The following ADGRG6 variants were observed in gnomAD, a reference collection of about 807,000 sequenced individuals.
ADGRG6 encodes G-protein coupled receptor 126.
Under a neutral mutation model 142.4 loss-of-function variants are expected in ADGRG6, and 84 were observed. The ratio of observed to expected loss-of-function variants is 0.59; its 90% CI spans 0.49 to 0.71. The LOEUF is 0.71. Ranked by LOEUF, ADGRG6 falls within the 30% of genes least tolerant of loss-of-function variation. The pLI, the probability that ADGRG6 is intolerant of heterozygous loss-of-function variation, is 0.00. For synonymous variants in ADGRG6, 521 were observed against 520.5 expected (o/e 1.00, Z -0.01); for missense variants, 1,367 against 1,466.6 (o/e 0.93, Z 1.11).
intron 2 of ADGRG6, among the ~76,000 whole-genome samples, chr6:142,351,385 C>G (rs1341759018): frequency 6.6e-6 from 1 of 152,020 alleles, no homozygotes; most frequent in African/African-American, 2.4e-5. Context: ...GACAGAGAAC[C>G]CTGAAATAAA....
chr6:142,373,344 G>C (rs1347826117), intron 4 of ADGRG6, among the ~76,000 whole-genome samples: 1 of 147,334 alleles, frequency 6.8e-6, no homozygotes, highest in Non-Finnish European at 1.5e-5. Flanking sequence ...AGTGCATTCT[G>C]TGAGAAAACA....
rs371816781 is a variant in ADGRG6, at chr6:142,434,394, G to A, written c.3320-3040G>A. Among the ~76,000 whole-genome samples, 6 of 151,202 alleles carry A rather than the reference G, an allele frequency of 4.0e-5. No individual in the cohort carries two copies. The South Asian group carries it at 6.3e-4, about 16-fold the overall frequency. On this transcript the variant is annotated intron_variant, in intron 22 of 24. Coordinates refer to ENST00000367609, the MANE Select transcript of ADGRG6 (RefSeq NM_198569.3). ...GGATGGAGTGGAATGGCACGATCTC[G>A]GCTCACTGCAACCTCCGCCTCCCGA...
At chr6:142,330,368 A>G (rs7762350) in intron 2 of ADGRG6, among the ~76,000 whole-genome samples, 4,424 of 152,166 alleles carry the variant, frequency 0.029, 222 homozygotes, top group African/African-American at 0.1. Flanking sequence ...TAAAATGTGG[A>G]AAAAAAATTC....
intron 16 of ADGRG6, among the ~76,000 whole-genome samples, chr6:142,409,027 A>G (rs1227783576): frequency 4.6e-5 from 7 of 152,196 alleles, no homozygotes; most frequent in Non-Finnish European, 7.3e-5. Flanking sequence ...AAATTGTAGA[A>G]CATACATAAT....
chr6:142,310,005 G>A (rs1777686643), intron 2 of ADGRG6, among the ~76,000 whole-genome samples: 1 of 151,588 alleles, frequency 6.6e-6, no homozygotes, highest in Admixed American at 6.6e-5. Flanking sequence ...CTCTTTTCAA[G>A]TTTTCATGTA....
In ADGRG6 at chr6:142,399,088, A is replaced by G. The variant is rs527581226; in HGVS notation, c.1567+1333A>G. ...AAAGCAATTGTTTTAATGTTATTCT[A>G]TGATTGCAATTATACTGTGATTAGG... On this transcript the variant is annotated intron_variant, in intron 10 of 24. Transcript: ENST00000367609. 1.3e-4 allele frequency among the ~76,000 whole-genome samples: 20 copies of G among 152,292 alleles called. No homozygotes were observed. In the South Asian group the frequency reaches 1.9e-3, roughly 14 times the overall value.
intron 12 of ADGRG6, 110 bp downstream of exon 12, chr6:142,402,168 T>G (rs764919332): frequency 1.7e-6 from 1 of 574,774 alleles, no homozygotes; most frequent in Non-Finnish European, 3.1e-6. Context: ...ACTGTTTTCA[T>G]ATTAAAAGGC....
At chr6:142,362,124 T>A (rs1304485612) in intron 2 of ADGRG6, among the ~76,000 whole-genome samples, 1 of 152,188 alleles carries the variant, frequency 6.6e-6, no homozygotes, top group East Asian at 1.9e-4. Context: ...TTTGAGGGTG[T>A]GGTGCATGTG....
intron 2 of ADGRG6, among the ~76,000 whole-genome samples, chr6:142,349,380 C>T (rs1369013386): frequency 6.6e-6 from 1 of 152,224 alleles, no homozygotes; most frequent in African/African-American, 2.4e-5. Flanking sequence ...GCAGATACTG[C>T]AGGCCCCCAT....
intron 2 of ADGRG6, among the ~76,000 whole-genome samples, chr6:142,361,509 G>A (rs1228428168): frequency 6.6e-6 from 1 of 152,118 alleles, no homozygotes; most frequent in Non-Finnish European, 1.5e-5. Context: ...GAGAATTTGT[G>A]GGTAAGAGAC....
intron 22 of ADGRG6, among the ~76,000 whole-genome samples, chr6:142,425,078 A>C (rs573180512): frequency 6.6e-5 from 10 of 152,240 alleles, no homozygotes; most frequent in Non-Finnish European, 1.3e-4. Context: ...AAAGTGCAGG[A>C]TAGTGACAAA....
chr6:142,437,534 A>G lies in ADGRG6; in HGVS notation c.3420A>G (p.Ser1140=), dbSNP rs1369964387. The part of the protein sequence containing the change: ...CCGRFRLADN[S]DWSKTATNII... ...GTAGATTTCGGTTAGCAGATAACTC[A>G]GGTAAAGAGTTGTTGATTAAATTTT... The change falls in exon 23 of 25, where the codon TCA becomes TCG. Residue 1140 remains serine, a splice_region_variant and synonymous_variant. Coordinates refer to ENST00000367609, the MANE Select transcript of ADGRG6 (RefSeq NM_198569.3). 5 of 1,382,204 alleles carry G rather than the reference A, an allele frequency of 3.6e-6. No individual in the cohort carries two copies. Among genetic ancestry groups the G allele is most frequent in the Admixed American group, 1.7e-5 (1 of 59,430 alleles). 85.6% of individuals were successfully genotyped at this position (1,382,204 alleles called of 1,614,324 possible). A position where few individuals can be genotyped will look rare whatever the true frequency, so the allele number is the denominator to read the frequency against.
At chr6:142,373,145 G>A (rs1407248355) in intron 4 of ADGRG6, among the ~76,000 whole-genome samples, 2 of 152,162 alleles carry the variant, frequency 1.3e-5, no homozygotes, top group Admixed American at 6.5e-5. Context: ...CTCTTAATTA[G>A]TAAGTAGCCA....
chr6:142,311,442 G>T (rs1346799612), intron 2 of ADGRG6, among the ~76,000 whole-genome samples: 1 of 151,804 alleles, frequency 6.6e-6, no homozygotes, highest in Non-Finnish European at 1.5e-5. Flanking sequence ...TCTTTAGAGG[G>T]TCTTATAGGT....
At chr6:142,369,932 A>G (rs1435988291) in intron 3 of ADGRG6, among the ~76,000 whole-genome samples, 1 of 152,166 alleles carries the variant, frequency 6.6e-6, no homozygotes, top group Non-Finnish European at 1.5e-5. Flanking sequence ...TCAAAAGTTT[A>G]GGTGTGAGAT....
At chr6:142,350,566 C>T (rs1317370054) in intron 2 of ADGRG6, among the ~76,000 whole-genome samples, 1 of 152,106 alleles carries the variant, frequency 6.6e-6, no homozygotes, top group African/African-American at 2.4e-5. Context: ...TAAAGAAATC[C>T]ATTTCCTCTT....
At chr6:142,338,028 T>TTG (rs1779424997) in intron 2 of ADGRG6, among the ~76,000 whole-genome samples, 1 of 42,160 alleles carries the variant, frequency 2.4e-5, no homozygotes, top group Non-Finnish European at 5.4e-5. Context: ...TTTTTTTTTT[T>TTG]TTTTTTTTTT....
intron 2 of ADGRG6, among the ~76,000 whole-genome samples, chr6:142,338,750 A>G (rs1221939018): frequency 6.6e-6 from 1 of 152,124 alleles, no homozygotes; most frequent in Admixed American, 6.6e-5. Context: ...AAAGAAGTAT[A>G]ATTCTTAATT....
chr6:142,403,724 C>A, intron 13 of ADGRG6, 78 bp from the exon 14 acceptor site: 1 of 857,990 alleles, frequency 1.2e-6, no homozygotes, highest in Non-Finnish European at 1.7e-6. Context: ...TTGTATTTTG[C>A]CATGCAGCAA....
Sources: allele counts gnomAD v4.1 joint callset (sites outside exome capture counted in the v4.1 genomes callset), GRCh38; gene constraint gnomAD v4.1.1; transcripts MANE v1.5; gene names NCBI Gene and HGNC (gene_info 2026-07-23, HGNC 2026-07-21).